DPYSL5: variants seen among roughly 807,000 people sequenced by gnomAD.
The protein encoded by DPYSL5 is dihydropyrimidinase-related protein 5.
A neutral mutation model predicts 58.4 loss-of-function variants in DPYSL5; 9 were observed. That is an observed-to-expected ratio of 0.15 (90% CI 0.09 to 0.27). The LOEUF (loss-of-function observed/expected upper bound fraction) is 0.27, where lower values mean the gene tolerates loss of function less well. DPYSL5 is among the 10% of genes least tolerant of loss of function. The pLI, the probability that DPYSL5 is intolerant of heterozygous loss-of-function variation, is 1.00. For synonymous variants in DPYSL5, 293 were observed against 301.9 expected (o/e 0.97, Z 0.31); for missense variants, 499 against 770.6 (o/e 0.65, Z 4.17).
In DPYSL5 at chr2:26,940,114, TC is replaced by T; in HGVS notation, c.1034del (p.Pro345HisfsTer4). 6.2e-7 allele frequency: 1 copy of T among 1,614,148 alleles called. No homozygotes were observed. The highest frequency in any genetic ancestry group is 8.5e-7 in the Non-Finnish European group (1 of 1,180,040). ...ATGGGCAAGGAAGACTTCACCAAGA[TC>T]CCACATGGAGTGAGTGGCGTGCAGG... ...KAMGKEDFTKIPHGVSGVQDR... is the reference protein window; with the variant it reads ...KAMGKEDFTKXPHGVSGVQDR... On this transcript the variant is annotated frameshift_variant, in exon 9 of 13. Transcript: ENST00000288699. LOFTEE classifies it high-confidence loss of function.
chr2:26,923,998 C>T (rs144555947), intron 2 of DPYSL5, among the ~76,000 whole-genome samples: 1 of 152,268 alleles, frequency 6.6e-6, no homozygotes, highest in Non-Finnish European at 1.5e-5. Context: ...TGTTTGGGAA[C>T]AACACATTAG....
chr2:26,913,729 G>T (rs1664495437), intron 2 of DPYSL5, among the ~76,000 whole-genome samples: 1 of 152,122 alleles, frequency 6.6e-6, no homozygotes, highest in Admixed American at 6.5e-5. Flanking sequence ...TGCCACAGTG[G>T]CCTGATGACT....
At chr2:26,889,271 A>G (rs776839047) in intron 1 of DPYSL5, among the ~76,000 whole-genome samples, 29 of 151,294 alleles carry the variant, frequency 1.9e-4, no homozygotes, top group Non-Finnish European at 3.4e-4. Context: ...GAGAGCTTAT[A>G]CTTCTTTTTT....
chr2:26,929,385 G>A (rs1017047468), intron 5 of DPYSL5, among the ~76,000 whole-genome samples: 5 of 152,018 alleles, frequency 3.3e-5, no homozygotes, highest in Admixed American at 2.6e-4. Context: ...GGCATGCACC[G>A]CCACACCCAG....
At chr2:26,885,307 C>T (rs1663689875) in intron 1 of DPYSL5, among the ~76,000 whole-genome samples, 1 of 152,200 alleles carries the variant, frequency 6.6e-6, no homozygotes, top group Non-Finnish European at 1.5e-5. Context: ...TCCCCGTACC[C>T]ACTCCTGCAC....
At chr2:26,931,201 GTGTATATATATATATA>G (rs1397022429) in intron 5 of DPYSL5, among the ~76,000 whole-genome samples, 1 of 54,560 alleles carries the variant, frequency 1.8e-5, no homozygotes, top group Non-Finnish European at 3.8e-5. Context: ...GTGTGTGTGT[GTGTATATATATATATA>G]TATATATATA....
chr2:26,890,989 C>A (rs970894495), intron 1 of DPYSL5, among the ~76,000 whole-genome samples: 5 of 152,182 alleles, frequency 3.3e-5, no homozygotes, highest in African/African-American at 1.2e-4. Context: ...CCAAATACAG[C>A]CACACTGGGG....
Position 26,910,317 on chromosome 2 carries a change from C to A in DPYSL5, c.261+11557C>A, listed in dbSNP as rs573295069. On this transcript the variant is annotated intron_variant, in intron 2 of 12. Coordinates refer to ENST00000288699, the MANE Select transcript of DPYSL5 (RefSeq NM_020134.4). ...TTTTAAGAAATTGCCACCTGGTTTC[C>A]AAAGTGGTTGTAACAATTTTTTTTT... Among the ~76,000 whole-genome samples, 3 of 152,252 alleles carry A rather than the reference C, an allele frequency of 2.0e-5. No individual in the cohort carries two copies. The South Asian group carries it at 6.2e-4, about 32-fold the overall frequency.
chr2:26,922,134 T>C (rs921270953), intron 2 of DPYSL5, among the ~76,000 whole-genome samples: 1 of 152,164 alleles, frequency 6.6e-6, no homozygotes, highest in Non-Finnish European at 1.5e-5. Flanking sequence ...TAGAATTCCC[T>C]GAGAAACAGC....
In DPYSL5 at chr2:26,905,997, G is replaced by A. The variant is rs1664278151; in HGVS notation, c.261+7237G>A. Among the ~76,000 whole-genome samples, 1 of 152,016 alleles carries A rather than the reference G, an allele frequency of 6.6e-6. No individual in the cohort carries two copies. The highest frequency in any genetic ancestry group is 2.4e-5 in the African/African-American group (1 of 41,380). Reference sequence around the variant, plus strand: ...TTGTGGCAGAATTCCATTTCTTGGAGTTCAAGGACTGAGGTCCCTGTTTCC... The same window carrying A: ...TTGTGGCAGAATTCCATTTCTTGGAATTCAAGGACTGAGGTCCCTGTTTCC... On this transcript the variant is annotated intron_variant, in intron 2 of 12. Coordinates refer to ENST00000288699, the MANE Select transcript of DPYSL5 (RefSeq NM_020134.4). The surrounding 1 kb of genome is among the most constrained non-coding windows in gnomAD (Gnocchi z 4.0).
At chr2:26,866,646 T>C (rs1219944421) in intron 1 of DPYSL5, among the ~76,000 whole-genome samples, 3 of 151,914 alleles carry the variant, frequency 2.0e-5, no homozygotes, top group Admixed American at 6.6e-5. Flanking sequence ...TATACATACA[T>C]CATAATATCA....
chr2:26,908,050 C>A (rs183571051), intron 2 of DPYSL5, among the ~76,000 whole-genome samples: 1 of 152,096 alleles, frequency 6.6e-6, no homozygotes, highest in Non-Finnish European at 1.5e-5. Context: ...CTCTGTTCCT[C>A]CATTGTCGTA....
intron 1 of DPYSL5, among the ~76,000 whole-genome samples, chr2:26,855,689 G>A (rs996190996): frequency 1.3e-5 from 2 of 152,094 alleles, no homozygotes; most frequent in African/African-American, 2.4e-5. Context: ...CCATTTCTAA[G>A]CTGCCCCTTT....
intron 1 of DPYSL5, among the ~76,000 whole-genome samples, chr2:26,894,307 C>T (rs1663960272): frequency 1.3e-5 from 2 of 152,106 alleles, no homozygotes; most frequent in African/African-American, 4.8e-5. Flanking sequence ...CAAATCCACT[C>T]ATTCTGTACC....
At chr2:26,931,203 G>GTGTGTATA (rs1474347605) in intron 5 of DPYSL5, among the ~76,000 whole-genome samples, 1 of 44,932 alleles carries the variant, frequency 2.2e-5, no homozygotes, top group Non-Finnish European at 4.3e-5. Flanking sequence ...GTGTGTGTGT[G>GTGTGTATA]TATATATATA....
chr2:26,942,043 A>T lies in DPYSL5; in HGVS notation c.1183A>T (p.Ile395Phe). The T allele has an allele frequency of 6.2e-7, 1 of 1,614,226 alleles. No homozygotes were observed. ...LNLYPRKGRI[I>F]PGADADVVVW... ...CCTGTATCCCCGCAAGGGCCGCATT[A>T]TTCCCGGAGCCGATGCTGATGTGGT... Residue 395 changes from isoleucine to phenylalanine, a missense_variant, in exon 10 of 13, where the codon ATT (isoleucine) becomes TTT (phenylalanine). Ile to Phe is a conservative substitution (Grantham distance 21). Transcript: ENST00000288699. The surrounding 1 kb of genome is among the most constrained non-coding windows in gnomAD (Gnocchi z 5.9).
At chr2:26,880,443 T>A (rs529495423) in intron 1 of DPYSL5, among the ~76,000 whole-genome samples, 13 of 152,314 alleles carry the variant, frequency 8.5e-5, no homozygotes, top group African/African-American at 3.1e-4. Context: ...CACACTTGGA[T>A]CCTGCTCCCG....
chr2:26,852,338 C>G (rs1238835999), intron 1 of DPYSL5, among the ~76,000 whole-genome samples: 4 of 151,920 alleles, frequency 2.6e-5, no homozygotes, highest in Non-Finnish European at 5.9e-5. Flanking sequence ...CTTTGCCTTG[C>G]TTTTTTTTAT....
intron 1 of DPYSL5, among the ~76,000 whole-genome samples, chr2:26,885,610 G>T (rs773350864): frequency 6.6e-6 from 1 of 152,190 alleles, no homozygotes; most frequent in Non-Finnish European, 1.5e-5. Context: ...ATTTGGTATG[G>T]AAATATGTTT....
Sources: gnomAD v4.1 joint callset for allele counts (sites outside exome capture counted in the v4.1 genomes callset) on GRCh38, gnomAD v4.1.1 for gene constraint, Gnocchi (gnomAD v3.1) non-coding constraint, MANE v1.5 for transcripts, NCBI Gene and HGNC (gene_info 2026-07-23, HGNC 2026-07-21) for gene names.